The following DLG2 variants were observed in gnomAD, a reference collection of about 807,000 sequenced individuals.
DLG2 encodes the protein discs large MAGUK scaffold protein 2, also known as disks large homolog 2.
A neutral mutation model predicts 132.5 loss-of-function variants in DLG2; 45 were observed. The observed-to-expected ratio is 0.34, with a 90% CI of 0.27 to 0.44. The LOEUF (loss-of-function observed/expected upper bound fraction) is 0.44. DLG2 is among the 20% of genes least tolerant of loss of function. The pLI is 1.00. For synonymous variants in DLG2, 424 were observed against 419.6 expected, an observed-to-expected ratio of 1.01 and a Z score of -0.13; for missense variants, 1,045 against 1,196.9, an observed-to-expected ratio of 0.87 and a Z score of 1.87.
intron 8 of DLG2, among the ~76,000 whole-genome samples, chr11:84,248,330 C>CA (rs1245313404): frequency 5.4e-5 from 8 of 147,998 alleles, no homozygotes; most frequent in Non-Finnish European, 6.0e-5. Context: ...TTTTTTTTTT[C>CA]AAAAAAATGA....
At chr11:84,984,461 T>C (rs548940718) in intron 6 of DLG2, among the ~76,000 whole-genome samples, 1 of 151,876 alleles carries the variant, frequency 6.6e-6, no homozygotes, top group African/African-American at 2.4e-5. Context: ...AAGCCAGCAC[T>C]ACAAGAACTG....
intron 6 of DLG2, among the ~76,000 whole-genome samples, chr11:84,992,657 T>C (rs1463924840): frequency 6.6e-6 from 1 of 152,192 alleles, no homozygotes; most frequent in Non-Finnish European, 1.5e-5. Context: ...GATGATGAGC[T>C]TTTTTTCATA....
At chr11:84,396,403 GT>G in intron 7 of DLG2, among the ~76,000 whole-genome samples, 1 of 152,254 alleles carries the variant, frequency 6.6e-6, no homozygotes, top group Admixed American at 6.5e-5. Flanking sequence ...AAAATATATG[GT>G]GCAATTGTTT....
intron 4 of DLG2, among the ~76,000 whole-genome samples, chr11:85,263,764 G>A (rs2077062582): frequency 6.6e-6 from 1 of 152,180 alleles, no homozygotes; most frequent in African/African-American, 2.4e-5. Context: ...TGAGAGATTG[G>A]AGCTGGAAAA....
intron 6 of DLG2, among the ~76,000 whole-genome samples, chr11:84,867,802 T>C (rs1251318690): frequency 1.3e-5 from 2 of 152,094 alleles, no homozygotes; most frequent in Non-Finnish European, 2.9e-5. Context: ...GGGCCGGACG[T>C]GGTGGCTCAC....
chr11:83,961,740 T>A (rs764411442), intron 14 of DLG2, among the ~76,000 whole-genome samples: 8 of 151,990 alleles, frequency 5.3e-5, no homozygotes, highest in Non-Finnish European at 1.2e-4. Flanking sequence ...ATCACTCTGG[T>A]GGATAAAGGT....
chr11:84,145,855 T>G (rs1304605777), intron 9 of DLG2, among the ~76,000 whole-genome samples: 4 of 152,168 alleles, frequency 2.6e-5, no homozygotes, highest in African/African-American at 9.6e-5. Flanking sequence ...ACTCAGCCCT[T>G]TGAGGTATGT....
chr11:83,978,247 C>T (rs1422676585), intron 12 of DLG2, among the ~76,000 whole-genome samples: 1 of 151,526 alleles, frequency 6.6e-6, no homozygotes, highest in Non-Finnish European at 1.5e-5. Context: ...ATAGCATTTA[C>T]CATGATGGTA....
intron 6 of DLG2, among the ~76,000 whole-genome samples, chr11:85,097,877 T>A (rs1284988393): frequency 4.6e-5 from 7 of 152,212 alleles, no homozygotes; most frequent in African/African-American, 1.7e-4. Context: ...ATGTGAGTTG[T>A]CCTTACTCTG....
intron 7 of DLG2, among the ~76,000 whole-genome samples, chr11:84,335,644 C>G (rs916715882): frequency 1.3e-5 from 2 of 152,194 alleles, no homozygotes; most frequent in Non-Finnish European, 2.9e-5. Flanking sequence ...TACACAAAAG[C>G]TCTGAGGAAG....
chr11:84,977,353 G>A (rs1235268015), intron 6 of DLG2, among the ~76,000 whole-genome samples: 2 of 152,138 alleles, frequency 1.3e-5, no homozygotes, highest in African/African-American at 4.8e-5. Flanking sequence ...ATAAGAACAT[G>A]CAGAATCAAA....
intron 18 of DLG2, among the ~76,000 whole-genome samples, chr11:83,694,700 G>T (rs1261624664): frequency 6.6e-6 from 1 of 151,790 alleles, no homozygotes; most frequent in Non-Finnish European, 1.5e-5. Flanking sequence ...ATTTTGAAGC[G>T]ATTTTTGAAC....
intron 18 of DLG2, among the ~76,000 whole-genome samples, chr11:83,740,569 G>C (rs577575447): frequency 6.6e-6 from 1 of 152,122 alleles, no homozygotes; most frequent in Non-Finnish European, 1.5e-5. Context: ...TGGTGATCAC[G>C]TAGGTATCTT....
At chr11:85,021,426 A>G in intron 6 of DLG2, 4 of 1,397,020 alleles carry the variant, frequency 2.9e-6, no homozygotes, top group Admixed American at 3.4e-5. Context: ...AAACCTGGTC[A>G]GCAATCATTC....
At chr11:84,056,067 T>C (rs1555303301) in intron 11 of DLG2, among the ~76,000 whole-genome samples, 1 of 152,108 alleles carries the variant, frequency 6.6e-6, no homozygotes, top group Non-Finnish European at 1.5e-5. Flanking sequence ...TGTTAAGTTT[T>C]TTTTTTCTTT....
At chr11:83,758,682 A>G (rs1273659093) in intron 18 of DLG2, among the ~76,000 whole-genome samples, 1 of 152,172 alleles carries the variant, frequency 6.6e-6, no homozygotes, top group African/African-American at 2.4e-5. Context: ...AATGCATGCA[A>G]TCTGCTTAGT....
intron 7 of DLG2, among the ~76,000 whole-genome samples, chr11:84,522,373 GC>G (rs1422518966): frequency 6.6e-6 from 1 of 152,004 alleles, no homozygotes; most frequent in Non-Finnish European, 1.5e-5. Context: ...TGCTTAATGG[GC>G]CTTAAGGTCA....
intron 3 of DLG2, among the ~76,000 whole-genome samples, chr11:85,427,103 G>C (rs1453146451): frequency 6.6e-6 from 1 of 152,120 alleles, no homozygotes; most frequent in Non-Finnish European, 1.5e-5. Context: ...AATGAACAAA[G>C]CCTCCAAGAA....
At chr11:83,831,276 G>A (rs2054426420) in intron 17 of DLG2, among the ~76,000 whole-genome samples, 1 of 152,180 alleles carries the variant, frequency 6.6e-6, no homozygotes, top group Admixed American at 6.5e-5. Flanking sequence ...AGTAGGTAAG[G>A]GAAGTAGTTT....
Sources: allele counts gnomAD v4.1 joint callset (sites outside exome capture counted in the v4.1 genomes callset), GRCh38; gene constraint gnomAD v4.1.1; transcripts MANE v1.5; gene names NCBI Gene and HGNC (gene_info 2026-07-23, HGNC 2026-07-21).